The following RAP1GDS1 variants were observed in gnomAD, a reference collection of about 807,000 sequenced individuals.
The protein encoded by RAP1GDS1 is RAP1, GTP-GDP dissociation stimulator 1.
In RAP1GDS1, 35 loss-of-function variants were observed where a neutral mutation model predicts 71.1. The observed-to-expected ratio is 0.49, with a 90% CI of 0.38 to 0.65. RAP1GDS1 has a LOEUF of 0.65. RAP1GDS1 is among the 30% of genes least tolerant of loss of function. The pLI is 0.00. For synonymous variants in RAP1GDS1, 229 were observed against 243.1 expected (o/e 0.94, Z 0.54); for missense variants, 663 against 706.1 (o/e 0.94, Z 0.69).
At chr4:98,265,461 A>G (rs1175822233) in intron 1 of RAP1GDS1, among the ~76,000 whole-genome samples, 1 of 152,214 alleles carries the variant, frequency 6.6e-6, no homozygotes, top group Admixed American at 6.5e-5. Context: ...AGTGTCTGGC[A>G]CATAGTAGCT....
At chr4:98,369,555 GA>G (rs1740047731) in intron 4 of RAP1GDS1, among the ~76,000 whole-genome samples, 1 of 152,172 alleles carries the variant, frequency 6.6e-6, no homozygotes, top group African/African-American at 2.4e-5. Context: ...TTCTATACAT[GA>G]TGACATGGAT....
intron 12 of RAP1GDS1, among the ~76,000 whole-genome samples, chr4:98,423,763 C>T (rs1749216701): frequency 6.6e-6 from 1 of 152,102 alleles, no homozygotes; most frequent in Admixed American, 6.5e-5. Flanking sequence ...AGGCTGGTCT[C>T]AAACTGCCGA....
In RAP1GDS1 at chr4:98,262,026, G is replaced by C. The variant is rs1489062514; in HGVS notation, c.4+457G>C. ...TCTGTCAGTGCGACCTTTCCCCGTCGTGGAGACTCCTCATCCCGGGCGGGG... is the reference window on the plus strand; with the variant it reads ...TCTGTCAGTGCGACCTTTCCCCGTCCTGGAGACTCCTCATCCCGGGCGGGG... On this transcript the variant is annotated intron_variant, in intron 1 of 14. Transcript: ENST00000408927. 2.6e-5 allele frequency among the ~76,000 whole-genome samples: 4 copies of C among 152,228 alleles called. No homozygotes were observed. In the East Asian group the frequency reaches 7.7e-4, roughly 29 times the overall value.
intron 7 of RAP1GDS1, among the ~76,000 whole-genome samples, chr4:98,411,066 TAAAA>T (rs913578759): frequency 2.6e-5 from 4 of 152,168 alleles, no homozygotes; most frequent in Admixed American, 2.6e-4. Context: ...TTTCACTCTT[TAAAA>T]AAAGTTTTAA....
chr4:98,367,500 C>A (rs185877382), intron 4 of RAP1GDS1, among the ~76,000 whole-genome samples: 5 of 152,286 alleles, frequency 3.3e-5, no homozygotes, highest in Admixed American at 2.6e-4. Context: ...ATCCTCCAGA[C>A]CCCAGGACGG....
chr4:98,320,461 A>G (rs1322522315), intron 2 of RAP1GDS1, among the ~76,000 whole-genome samples: 1 of 152,216 alleles, frequency 6.6e-6, no homozygotes, highest in Non-Finnish European at 1.5e-5. Flanking sequence ...CCGAATAGGA[A>G]CAGCTCCGGT....
chr4:98,410,849 T>C (rs1385548801), intron 7 of RAP1GDS1, among the ~76,000 whole-genome samples: 1 of 152,180 alleles, frequency 6.6e-6, no homozygotes, highest in Non-Finnish European at 1.5e-5. Context: ...GATGAAAGTA[T>C]AGAAGTGATT....
chr4:98,413,308 G>A (rs1055476495), intron 7 of RAP1GDS1, among the ~76,000 whole-genome samples: 1 of 151,662 alleles, frequency 6.6e-6, no homozygotes, highest in African/African-American at 2.4e-5. Flanking sequence ...CCATGCTGGT[G>A]CGCTGCACCC....
intron 7 of RAP1GDS1, among the ~76,000 whole-genome samples, chr4:98,412,022 A>G (rs1237411868): frequency 6.6e-6 from 1 of 152,196 alleles, no homozygotes; most frequent in Admixed American, 6.5e-5. Context: ...TCAAAAGAAG[A>G]TCAGTGATCC....
At chr4:98,268,606 A>G (rs1393328448) in intron 1 of RAP1GDS1, among the ~76,000 whole-genome samples, 1 of 152,160 alleles carries the variant, frequency 6.6e-6, no homozygotes, top group Non-Finnish European at 1.5e-5. Context: ...GTCCTAATAA[A>G]TGAATTCAGT....
intron 6 of RAP1GDS1, among the ~76,000 whole-genome samples, chr4:98,403,984 A>G (rs1468286019): frequency 1.3e-5 from 2 of 152,182 alleles, no homozygotes; most frequent in African/African-American, 4.8e-5. Context: ...ATACCAAAGT[A>G]TATATAAATG....
At chr4:98,372,138 A>G (rs1740476034) in intron 4 of RAP1GDS1, among the ~76,000 whole-genome samples, 2 of 151,520 alleles carry the variant, frequency 1.3e-5, no homozygotes, top group African/African-American at 4.9e-5. Flanking sequence ...CTTCACATTT[A>G]GCTCCATTAC....
At chr4:98,270,178 T>C (rs1723256278) in intron 1 of RAP1GDS1, among the ~76,000 whole-genome samples, 1 of 152,170 alleles carries the variant, frequency 6.6e-6, no homozygotes. Context: ...CATTAATCTA[T>C]TTATGAGGGC....
chr4:98,262,509 T>C (rs1722168094), intron 1 of RAP1GDS1, among the ~76,000 whole-genome samples: 1 of 152,250 alleles, frequency 6.6e-6, no homozygotes, highest in Non-Finnish European at 1.5e-5. Context: ...CATTCAGTAA[T>C]CACAGAAACG....
At chr4:98,399,693 T>A (rs1241322056) in intron 6 of RAP1GDS1, among the ~76,000 whole-genome samples, 1 of 152,210 alleles carries the variant, frequency 6.6e-6, no homozygotes, top group East Asian at 1.9e-4. Flanking sequence ...TCAGTATCAC[T>A]AATCTTCAGG....
intron 2 of RAP1GDS1, among the ~76,000 whole-genome samples, chr4:98,324,495 A>G (rs9715079): frequency 0.13 from 18,276 of 140,618 alleles, 1,807 homozygotes; most frequent in African/African-American, 0.3. Flanking sequence ...AAAGCTGGAG[A>G]CATCACACTA....
chr4:98,296,838 T>TTTAAA (rs1323016044), intron 2 of RAP1GDS1: 1 of 340,908 alleles, frequency 2.9e-6, no homozygotes, highest in Non-Finnish European at 5.7e-6. Context: ...AAACTATTAG[T>TTTAAA]TTAAATTAAA....
At chr4:98,288,685 G>A (rs1020363132) in intron 1 of RAP1GDS1, among the ~76,000 whole-genome samples, 1 of 151,980 alleles carries the variant, frequency 6.6e-6, no homozygotes, top group Non-Finnish European at 1.5e-5. Flanking sequence ...ACATCCTCTC[G>A]AGCACCTGTT....
chr4:98,437,785 C>A (rs897318779), intron 14 of RAP1GDS1, among the ~76,000 whole-genome samples: 9 of 145,398 alleles, frequency 6.2e-5, no homozygotes, highest in African/African-American at 2.1e-4. Context: ...GAACAAGACT[C>A]TGTCTCAAAA....
Sources: allele counts gnomAD v4.1 joint callset (sites outside exome capture counted in the v4.1 genomes callset), GRCh38; gene constraint gnomAD v4.1.1; transcripts MANE v1.5; gene names NCBI Gene and HGNC (gene_info 2026-07-23, HGNC 2026-07-21).